The following SCN7A variants were observed in gnomAD, a reference collection of about 807,000 sequenced individuals.
The protein encoded by SCN7A is sodium voltage-gated channel alpha subunit 7.
A neutral mutation model predicts 155.2 loss-of-function variants in SCN7A; 138 were observed. That is an observed-to-expected ratio of 0.89 (90% CI 0.77 to 1.02). The LOEUF (loss-of-function observed/expected upper bound fraction) is 1.02. Ranked by LOEUF, SCN7A falls within the 50% of genes least tolerant of loss-of-function variation. SCN7A has a pLI of 0.00. For synonymous variants in SCN7A, 693 were observed against 649.0 expected, an observed-to-expected ratio of 1.07 and a Z score of -1.03; for missense variants, 2,058 against 1,986.6, an observed-to-expected ratio of 1.04 and a Z score of -0.68.
chr2:166,428,860 G>A (rs1051546244), intron 17 of SCN7A, among the ~76,000 whole-genome samples: 4 of 151,996 alleles, frequency 2.6e-5, no homozygotes, highest in African/African-American at 9.7e-5. Flanking sequence ...AATCAGTATA[G>A]TTAAAGCAGC....
intron 5 of SCN7A, 116 bp from the exon 6 acceptor site, chr2:166,472,561 AC>A: frequency 1.2e-6 from 1 of 862,026 alleles, no homozygotes; most frequent in Non-Finnish European, 1.7e-6. Flanking sequence ...GGAAGGTGAG[AC>A]CAGGTCTACT....
chr2:166,428,671 A>T (rs1302373501), intron 17 of SCN7A, among the ~76,000 whole-genome samples: 1 of 152,078 alleles, frequency 6.6e-6, no homozygotes, highest in Non-Finnish European at 1.5e-5. Flanking sequence ...CTTGTGTTAA[A>T]TTATACTATG....
intron 23 of SCN7A, 143 bp downstream of exon 23, chr2:166,412,387 A>G (rs564942674): frequency 2.0e-6 from 2 of 998,668 alleles, no homozygotes; most frequent in East Asian, 7.7e-5. Context: ...AGGAACATTA[A>G]TCATGATTTT....
At chr2:166,450,372 A>T (rs1343663065) in intron 11 of SCN7A, among the ~76,000 whole-genome samples, 1 of 152,040 alleles carries the variant, frequency 6.6e-6, no homozygotes, top group Non-Finnish European at 1.5e-5. Flanking sequence ...ATCGCTCACT[A>T]CCTGGGTGAT....
intron 21 of SCN7A, among the ~76,000 whole-genome samples, chr2:166,416,149 T>A (rs1017995113): frequency 6.6e-6 from 1 of 152,086 alleles, no homozygotes; most frequent in African/African-American, 2.4e-5. Context: ...GGAAACTCCA[T>A]CCTGGTAAAT....
intron 3 of SCN7A, 139 bp from the exon 4 acceptor site, chr2:166,474,483 G>T: frequency 2.7e-6 from 1 of 366,314 alleles, no homozygotes; most frequent in Non-Finnish European, 4.9e-6. Context: ...TATTTTTATA[G>T]ACTAAGTCAA....
intron 1 of SCN7A, among the ~76,000 whole-genome samples, chr2:166,490,107 C>T (rs1247684701): frequency 6.6e-6 from 1 of 151,968 alleles, no homozygotes; most frequent in Non-Finnish European, 1.5e-5. Flanking sequence ...GTAGTGGAAA[C>T]ATTTAAAATC....
chr2:166,421,408 G>A, intron 19 of SCN7A, 111 bp from the exon 20 acceptor site: 1 of 485,930 alleles, frequency 2.1e-6, no homozygotes, highest in Non-Finnish European at 3.4e-6. Flanking sequence ...AAGCTTACCA[G>A]TAAATTCGTG....
intron 20 of SCN7A, among the ~76,000 whole-genome samples, chr2:166,418,284 C>CTTTTTTTTTTTT (rs71031244): frequency 2.3e-4 from 14 of 60,650 alleles, no homozygotes; most frequent in African/African-American, 1.0e-3. Context: ...CCCCGCCAGG[C>CTTTTTTTTTTTT]TTTTTTTTTT....
At chr2:166,490,903 C>T (rs754900622) in intron 1 of SCN7A, among the ~76,000 whole-genome samples, 4 of 152,164 alleles carry the variant, frequency 2.6e-5, no homozygotes, top group African/African-American at 7.2e-5. Context: ...TAGAAAGGTG[C>T]CTTGAAACAT....
chr2:166,478,312 TAA>T, intron 2 of SCN7A, among the ~76,000 whole-genome samples: 1 of 149,604 alleles, frequency 6.7e-6, no homozygotes, highest in Non-Finnish European at 1.5e-5. Flanking sequence ...AAAATATATA[TAA>T]TATATATAAA....
chr2:166,473,678 T>G (rs532259084), intron 5 of SCN7A, 121 bp downstream of exon 5: 1 of 253,312 alleles, frequency 3.9e-6, no homozygotes, highest in Non-Finnish European at 7.5e-6. Context: ...TTAACAAATA[T>G]TAAATTTATT....
intron 7 of SCN7A, among the ~76,000 whole-genome samples, chr2:166,466,575 T>A (rs934614404): frequency 4.6e-5 from 7 of 152,098 alleles, no homozygotes; most frequent in African/African-American, 1.7e-4. Flanking sequence ...TGCTGACTTC[T>A]GAAAGTAGAA....
At chr2:166,472,252 AT>A in intron 6 of SCN7A, 64 bp downstream of exon 6, 22 of 1,468,578 alleles carry the variant, frequency 1.5e-5, no homozygotes, top group Non-Finnish European at 1.9e-5. Flanking sequence ...GACGTCAATT[AT>A]TTTTTATGAA....
At chr2:166,421,742 T>C (rs1453520133) in intron 19 of SCN7A, among the ~76,000 whole-genome samples, 1 of 152,028 alleles carries the variant, frequency 6.6e-6, no homozygotes. Context: ...ATATACATGA[T>C]AGGCTTTCAG....
At chr2:166,468,110 CTG>C (rs1437329921) in intron 7 of SCN7A, among the ~76,000 whole-genome samples, 2 of 151,996 alleles carry the variant, frequency 1.3e-5, no homozygotes, top group Non-Finnish European at 2.9e-5. Context: ...GAGAAAATAA[CTG>C]TATTTATTTT....
intron 2 of SCN7A, 95 bp from the exon 3 acceptor site, chr2:166,477,805 T>A: frequency 3.0e-6 from 2 of 674,592 alleles, no homozygotes; most frequent in Non-Finnish European, 2.3e-6. Context: ...AAACTGAATG[T>A]ATGCATTTAA....
chr2:166,491,996 C>T (rs749526691), intron 1 of SCN7A, among the ~76,000 whole-genome samples: 1 of 151,946 alleles, frequency 6.6e-6, no homozygotes, highest in Admixed American at 6.6e-5. Flanking sequence ...TTCCCAATCC[C>T]TGAGTAAGGG....
At position 166,494,027 on chromosome 2, in the gene SCN7A, T is replaced by C. The variant is rs991154148; in HGVS notation, c.-187A>G. The C allele has an allele frequency of 6.6e-6, 1 of 152,408 alleles. No homozygotes were observed. The highest frequency in any genetic ancestry group is 1.9e-4 in the East Asian group (1 of 5,188). The allele number at this position is 152,408 out of a possible 1,614,324, so 9.4% of individuals were successfully genotyped here. A position where few individuals can be genotyped will look rare whatever the true frequency, so the allele number is the denominator to read the frequency against. On this transcript the variant is annotated 5_prime_UTR_variant, in exon 1 of 26. Transcript: ENST00000643258. ...AGGGACCCTTCAGGAGCAGGGCTCC[T>C]TGGAGCCCTTTCCTCCTCCTGGGCT...
Sources: allele counts gnomAD v4.1 joint callset (sites outside exome capture counted in the v4.1 genomes callset), GRCh38; gene constraint gnomAD v4.1.1; transcripts MANE v1.5; gene names NCBI Gene and HGNC (gene_info 2026-07-23, HGNC 2026-07-21).